Variants in ESRRG observed in about 807,000 individuals in gnomAD.
ESRRG encodes estrogen related receptor gamma.
Under a neutral mutation model 44.0 loss-of-function variants are expected in ESRRG, and 13 were observed. That is an observed-to-expected ratio of 0.30 (90% CI 0.19 to 0.47). The LOEUF is 0.47. ESRRG is among the 20% of genes least tolerant of loss of function. The probability of loss-of-function intolerance (pLI) is 1.00; values close to 1 mark genes in which losing one functional copy is unlikely to be tolerated. For synonymous variants in ESRRG, 215 were observed against 214.6 expected (o/e 1.00, Z -0.02); for missense variants, 395 against 580.6 (o/e 0.68, Z 3.29).
At chr1:216,541,518 T>C (rs1014457068) in intron 5 of ESRRG, among the ~76,000 whole-genome samples, 1 of 151,294 alleles carries the variant, frequency 6.6e-6, no homozygotes, top group African/African-American at 2.4e-5. Context: ...AATAATGATA[T>C]TGAAGTAAGG....
chr1:216,563,997 A>G (rs1012953033), intron 5 of ESRRG, among the ~76,000 whole-genome samples: 4 of 152,226 alleles, frequency 2.6e-5, no homozygotes, highest in Admixed American at 6.5e-5. Flanking sequence ...TAGTACCTGT[A>G]CATATGAAAA....
chr1:216,822,335 C>T (rs1043516295), intron 2 of ESRRG, among the ~76,000 whole-genome samples: 2 of 152,116 alleles, frequency 1.3e-5, no homozygotes, highest in African/African-American at 4.8e-5. Flanking sequence ...AAATAGCTAA[C>T]AGTTGGAGGA....
At chr1:216,891,213 C>T (rs2057746666) in intron 2 of ESRRG, among the ~76,000 whole-genome samples, 2 of 152,170 alleles carry the variant, frequency 1.3e-5, no homozygotes, top group Non-Finnish European at 2.9e-5. Context: ...TTATAAAATG[C>T]TCCACTGTTA....
intron 3 of ESRRG, among the ~76,000 whole-genome samples, chr1:216,570,419 A>G (rs1049940086): frequency 6.6e-6 from 1 of 152,136 alleles, no homozygotes; most frequent in African/African-American, 2.4e-5. Context: ...TTTTTATTGC[A>G]TCTATATTTA....
chr1:217,125,832 T>G (rs2092882423), intron 1 of ESRRG, among the ~76,000 whole-genome samples: 1 of 152,194 alleles, frequency 6.6e-6, no homozygotes, highest in Non-Finnish European at 1.5e-5. Flanking sequence ...TTTCTTAGTA[T>G]CAAATAAATC....
chr1:216,696,560 C>G (rs924622182), intron 1 of ESRRG, among the ~76,000 whole-genome samples: 1 of 151,960 alleles, frequency 6.6e-6, no homozygotes, highest in Non-Finnish European at 1.5e-5. Context: ...GTTGAAAAGT[C>G]AAAATTACAG....
intron 1 of ESRRG, among the ~76,000 whole-genome samples, chr1:217,120,525 C>A (rs1410961209): frequency 6.6e-6 from 1 of 152,036 alleles, no homozygotes; most frequent in Non-Finnish European, 1.5e-5. Context: ...ATCTCATTCC[C>A]CTTAGAACAA....
chr1:216,544,924 A>G (rs1042586464), intron 5 of ESRRG, among the ~76,000 whole-genome samples: 25 of 152,096 alleles, frequency 1.6e-4, no homozygotes, highest in African/African-American at 6.0e-4. Context: ...AATGATTAGG[A>G]AAACAATTTA....
chr1:216,921,219 G>A (rs1269210536), intron 2 of ESRRG, among the ~76,000 whole-genome samples: 1 of 152,154 alleles, frequency 6.6e-6, no homozygotes, highest in East Asian at 1.9e-4. Context: ...ATCAGGAGGT[G>A]GAGAGTAGTA....
At chr1:216,913,493 T>C (rs146460815) in intron 2 of ESRRG, among the ~76,000 whole-genome samples, 4 of 152,268 alleles carry the variant, frequency 2.6e-5, no homozygotes, top group African/African-American at 7.2e-5. Flanking sequence ...TAGAAAACAT[T>C]ATGTTTAATA....
chr1:216,610,303 C>A (rs1342985533), intron 3 of ESRRG, among the ~76,000 whole-genome samples: 1 of 151,436 alleles, frequency 6.6e-6, no homozygotes, highest in African/African-American at 2.4e-5. Context: ...TAACGCTGAG[C>A]TGAGAAAAAT....
At chr1:216,595,828 A>C (rs2058346736) in intron 3 of ESRRG, among the ~76,000 whole-genome samples, 1 of 152,242 alleles carries the variant, frequency 6.6e-6, no homozygotes, top group African/African-American at 2.4e-5. Flanking sequence ...CAGCATCAAT[A>C]GCATTTTTTT....
chr1:217,057,655 T>C (rs1419142422), intron 1 of ESRRG, among the ~76,000 whole-genome samples: 5 of 151,522 alleles, frequency 3.3e-5, no homozygotes, highest in African/African-American at 1.2e-4. Context: ...ATAATAAATA[T>C]AAAAGGTGAA....
Position 216,834,667 on chromosome 1 carries a change from A to T in ESRRG, c.-14+104915T>A, listed in dbSNP as rs113449699. Among the ~76,000 whole-genome samples, 1,498 of 152,324 alleles carry T rather than the reference A, an allele frequency of 9.8e-3. 22 individuals carry two copies. The highest frequency in any genetic ancestry group is 0.033 in the African/African-American group (1,381 of 41,562). ...GAAGTGCTGTTGAAAATTAAAAGACAGGTCAAGACTGGAATGTACAATTGG... is the reference window on the plus strand; with the variant it reads ...GAAGTGCTGTTGAAAATTAAAAGACTGGTCAAGACTGGAATGTACAATTGG... On this transcript the variant is annotated intron_variant, in intron 2 of 7. Coordinates refer to the ESRRG transcript ENST00000359162.
At chr1:216,676,275 T>C (rs982547992) in intron 2 of ESRRG, among the ~76,000 whole-genome samples, 11 of 152,214 alleles carry the variant, frequency 7.2e-5, no homozygotes, top group African/African-American at 2.7e-4. Flanking sequence ...CCTATTTTTC[T>C]ACACTGTATG....
At chr1:216,632,365 C>T (rs768272661) in intron 3 of ESRRG, among the ~76,000 whole-genome samples, 20 of 152,188 alleles carry the variant, frequency 1.3e-4, no homozygotes, top group South Asian at 2.1e-4. Context: ...AGAAAACAAC[C>T]GTAATTTTCA....
intron 2 of ESRRG, among the ~76,000 whole-genome samples, chr1:216,767,888 T>A (rs1327319997): frequency 6.6e-6 from 1 of 152,136 alleles, no homozygotes; most frequent in Non-Finnish European, 1.5e-5. Context: ...AACTCTTTCA[T>A]AAGAAGACAG....
At chr1:216,680,604 A>T (rs2076871770) in intron 1 of ESRRG, among the ~76,000 whole-genome samples, 1 of 152,206 alleles carries the variant, frequency 6.6e-6, no homozygotes, top group Non-Finnish European at 1.5e-5. Flanking sequence ...TGCATCACCC[A>T]CCCAGGGTGT....
chr1:217,011,635 G>A (rs1437824749), intron 1 of ESRRG, among the ~76,000 whole-genome samples: 1 of 93,154 alleles, frequency 1.1e-5, no homozygotes, highest in East Asian at 2.7e-4. Flanking sequence ...ATTGCTTTGG[G>A]ATTGGTTTTG....
Sources: gnomAD v4.1 joint callset for allele counts (sites outside exome capture counted in the v4.1 genomes callset) on GRCh38, gnomAD v4.1.1 for gene constraint, MANE v1.5 for transcripts, NCBI Gene and HGNC (gene_info 2026-07-23, HGNC 2026-07-21) for gene names.